The following CRACDL variants were observed in gnomAD, a reference collection of about 807,000 sequenced individuals.
CRACDL encodes the protein CRACD like.
Under a neutral mutation model 70.6 loss-of-function variants are expected in CRACDL, and 26 were observed. The ratio of observed to expected loss-of-function variants is 0.37; its 90% CI spans 0.27 to 0.51. The LOEUF is 0.51. Among genes scored for constraint, CRACDL ranks in the 20% least tolerant of loss-of-function variants. The probability of loss-of-function intolerance (pLI) is 0.94; values close to 1 mark genes in which losing one functional copy is unlikely to be tolerated. For missense variants in CRACDL, 1,283 were observed against 1,376.9 expected (o/e 0.93, Z 1.08); for synonymous variants, 618 against 615.2 (o/e 1.00, Z -0.07).
chr2:98,864,071 C>A (rs995722274), intron 1 of CRACDL, among the ~76,000 whole-genome samples: 2 of 152,040 alleles, frequency 1.3e-5, no homozygotes, highest in African/African-American at 2.4e-5. Flanking sequence ...GTGCATTTTA[C>A]CACAACTAAA....
At chr2:98,851,837 GA>G (rs1331454438) in intron 1 of CRACDL, among the ~76,000 whole-genome samples, 1 of 152,220 alleles carries the variant, frequency 6.6e-6, no homozygotes, top group African/African-American at 2.4e-5. Flanking sequence ...AAACTGTGGA[GA>G]AAAGATGAAA....
At chr2:98,846,186 C>G (rs1430328566) in intron 2 of CRACDL, among the ~76,000 whole-genome samples, 1 of 152,092 alleles carries the variant, frequency 6.6e-6, no homozygotes, top group Non-Finnish European at 1.5e-5. Flanking sequence ...TAACAGTAAA[C>G]CAATGACATA....
At chr2:98,882,157 G>A (rs12623472) in intron 1 of CRACDL, among the ~76,000 whole-genome samples, 4,508 of 152,288 alleles carry the variant, frequency 0.03, 165 homozygotes, top group South Asian at 0.17. Flanking sequence ...GAACTCAGCC[G>A]GGCGACTAAA....
At position 98,832,822 on chromosome 2, in the gene CRACDL, T is replaced by C. The variant is rs560317819; in HGVS notation, c.375+40A>G. 3 of 1,610,938 alleles carry C rather than the reference T, an allele frequency of 1.9e-6. No individual in the cohort carries two copies. In the South Asian group the frequency reaches 3.3e-5, roughly 18 times the overall value. On this transcript the variant is annotated intron_variant, in intron 4 of 9. Coordinates refer to ENST00000397899, the MANE Select transcript of CRACDL (RefSeq NM_207362.3). ...ATTTAAAAACTTCTTGATGGATATT[T>C]GACTTGCACACCAGGCGACATGACC...
intron 1 of CRACDL, among the ~76,000 whole-genome samples, chr2:98,875,756 A>G (rs1478066906): frequency 1.3e-5 from 2 of 152,390 alleles, no homozygotes; most frequent in Non-Finnish European, 2.9e-5. Context: ...GGACAGAAAT[A>G]CATGTTCCAT....
intron 1 of CRACDL, among the ~76,000 whole-genome samples, chr2:98,882,932 T>A (rs530165424): frequency 6.6e-6 from 1 of 152,186 alleles, no homozygotes; most frequent in Non-Finnish European, 1.5e-5. Flanking sequence ...CCCCTTTGTA[T>A]CAGGGTGACT....
intron 1 of CRACDL, among the ~76,000 whole-genome samples, chr2:98,891,376 CAA>C (rs548988640): frequency 3.6e-3 from 138 of 37,878 alleles, no homozygotes; most frequent in Middle Eastern, 0.019. Flanking sequence ...GACTCCGTCT[CAA>C]AAAAAAAAAA....
chr2:98,821,272 G>T (rs758597351), intron 7 of CRACDL, among the ~76,000 whole-genome samples: 7 of 152,272 alleles, frequency 4.6e-5, no homozygotes, highest in Non-Finnish European at 1.0e-4. Context: ...CTGCAGCCTT[G>T]AACTCCTGGG....
chr2:98,859,773 C>T (rs1706862192), intron 1 of CRACDL, among the ~76,000 whole-genome samples: 1 of 152,144 alleles, frequency 6.6e-6, no homozygotes, highest in Non-Finnish European at 1.5e-5. Context: ...TACTGTCACA[C>T]TGATAATCAA....
At chr2:98,915,915 C>T (rs1708653236) in intron 1 of CRACDL, among the ~76,000 whole-genome samples, 3 of 152,264 alleles carry the variant, frequency 2.0e-5, no homozygotes, top group South Asian at 4.2e-4. Flanking sequence ...CAAGGCATGG[C>T]CAAGCCTTGT....
intron 1 of CRACDL, among the ~76,000 whole-genome samples, chr2:98,870,338 G>C (rs1219582752): frequency 6.6e-6 from 1 of 152,224 alleles, no homozygotes. Flanking sequence ...ACTGTATATA[G>C]AATTCTACTC....
rs369162129 is a variant in CRACDL at position 98,900,060 on chromosome 2, T to C, written c.-11+35878A>G. Among the ~76,000 whole-genome samples, 578 of 58,226 alleles carry C rather than the reference T, an allele frequency of 9.9e-3. 22 individuals carry two copies. Among genetic ancestry groups the C allele is most frequent in the African/African-American group, 0.04 (516 of 12,930 alleles). 38.2% of individuals were successfully genotyped at this position (58,226 alleles called of 152,430 possible). ...GGGAGGCAGATGGACAGAGGCTCAGTAGGAGGGGAGGCAGATGGACAGAGG... is the reference window on the plus strand; with the variant it reads ...GGGAGGCAGATGGACAGAGGCTCAGCAGGAGGGGAGGCAGATGGACAGAGG... On this transcript the variant is annotated intron_variant, in intron 1 of 9. Transcript: ENST00000397899.
At chr2:98,925,582 G>C (rs1708892208) in intron 1 of CRACDL, among the ~76,000 whole-genome samples, 2 of 152,090 alleles carry the variant, frequency 1.3e-5, no homozygotes, top group Admixed American at 1.3e-4. Flanking sequence ...AAGGCATCAG[G>C]GTTCACCCAG....
At chr2:98,838,402 T>C in intron 2 of CRACDL, 115 bp from the exon 3 acceptor site, 1 of 583,276 alleles carries the variant, frequency 1.7e-6, no homozygotes, top group Non-Finnish European at 2.9e-6. Flanking sequence ...ATGCATCAGT[T>C]ATCTGCTTCT....
intron 3 of CRACDL, among the ~76,000 whole-genome samples, chr2:98,835,187 A>G (rs1705719276): frequency 6.6e-6 from 1 of 152,270 alleles, no homozygotes; most frequent in African/African-American, 2.4e-5. Flanking sequence ...TTAAACTTGA[A>G]TTGGAAATAT....
At chr2:98,871,373 A>T (rs1332359031) in intron 1 of CRACDL, among the ~76,000 whole-genome samples, 3 of 152,236 alleles carry the variant, frequency 2.0e-5, no homozygotes, top group Non-Finnish European at 4.4e-5. Flanking sequence ...TTTAAGGCTC[A>T]CAACCAGCTA....
chr2:98,919,186 G>A (rs958897517), intron 1 of CRACDL, among the ~76,000 whole-genome samples: 9 of 152,122 alleles, frequency 5.9e-5, no homozygotes, highest in African/African-American at 2.2e-4. Flanking sequence ...ATTGAAAGGG[G>A]TGTCCATTTT....
At chr2:98,797,558 A>G (rs75581449) in intron 7 of CRACDL, 21 bp from the exon 8 acceptor site, 38,440 of 1,611,410 alleles carry the variant, frequency 0.024, 1,327 homozygotes, top group East Asian at 0.18. Flanking sequence ...AAGGCACAAG[A>G]TTATAGAAAC....
At chr2:98,913,650 A>C (rs4851174) in intron 1 of CRACDL, among the ~76,000 whole-genome samples, 65,675 of 151,688 alleles carry the variant, frequency 0.43, 14,959 homozygotes, top group Admixed American at 0.58. Flanking sequence ...TCCCACCCAA[A>C]GGCAAGTCTG....
Sources: allele counts gnomAD v4.1 joint callset (sites outside exome capture counted in the v4.1 genomes callset), GRCh38; gene constraint gnomAD v4.1.1; transcripts MANE v1.5; gene names NCBI Gene and HGNC (gene_info 2026-07-23, HGNC 2026-07-21).